Variants in KIF5C observed in about 807,000 individuals in gnomAD.
The protein encoded by KIF5C is kinesin family member 5C, also known as kinesin heavy chain isoform 5C.
KIF5C carries 18 observed loss-of-function variants against 125.2 expected under a neutral mutation model. That is an observed-to-expected ratio of 0.14 (90% confidence interval 0.10 to 0.21). The LOEUF (loss-of-function observed/expected upper bound fraction) is 0.21, where lower values mean the gene tolerates loss of function less well. Ranked by LOEUF, KIF5C falls within the 10% of genes least tolerant of loss-of-function variation. KIF5C has a pLI of 1.00. For missense variants in KIF5C, 780 were observed against 1,183.8 expected (o/e 0.66, Z 5.01); for synonymous variants, 405 against 434.0 (o/e 0.93, Z 0.83).
chr2:149,010,709 G>A (rs1682166480), intron 24 of KIF5C, among the ~76,000 whole-genome samples: 1 of 152,366 alleles, frequency 6.6e-6, no homozygotes, highest in East Asian at 1.9e-4. Context: ...AGGGCCCTGT[G>A]TTCTGCACCC....
intron 15 of KIF5C, among the ~76,000 whole-genome samples, chr2:148,985,601 T>G (rs1270088254): frequency 6.6e-6 from 1 of 152,226 alleles, no homozygotes. Flanking sequence ...TGGGGAATGG[T>G]ATTACATTGC....
intron 13 of KIF5C, among the ~76,000 whole-genome samples, chr2:148,979,689 G>A (rs552915656): frequency 2.2e-4 from 34 of 152,266 alleles, no homozygotes; most frequent in African/African-American, 8.2e-4. Flanking sequence ...ATGTTCTCCT[G>A]CTGTCCTGTA....
At chr2:148,886,385 G>C (rs1480701258) in intron 1 of KIF5C, 3 of 152,308 alleles carry the variant, frequency 2.0e-5, no homozygotes, top group African/African-American at 7.2e-5. Flanking sequence ...GGCCCAACTG[G>C]GCTGGTCTTA....
intron 1 of KIF5C, among the ~76,000 whole-genome samples, chr2:148,908,847 C>T (rs970939321): frequency 1.3e-5 from 2 of 152,062 alleles, no homozygotes; most frequent in Non-Finnish European, 2.9e-5. Context: ...AAAGCTGATT[C>T]TTTTTTAAAA....
intron 11 of KIF5C, among the ~76,000 whole-genome samples, chr2:148,968,143 G>T (rs1680796417): frequency 6.6e-6 from 1 of 152,204 alleles, no homozygotes; most frequent in African/African-American, 2.4e-5. Flanking sequence ...TGACAAACTG[G>T]TGTATCTGCA....
Position 148,991,132 on chromosome 2 carries a change from G to A in KIF5C, c.1839G>A (p.Met613Ile), listed in dbSNP as rs772439288. The A allele has an allele frequency of 6.2e-7, 1 of 1,613,968 alleles. No individual in the cohort carries two copies. Among genetic ancestry groups the A allele is most frequent in the Admixed American group, 1.7e-5 (1 of 60,028 alleles). Residue 613 changes from methionine to isoleucine, a missense_variant, in exon 16 of 26, where the codon ATG becomes ATA. Met to Ile is a conservative substitution (Grantham distance 10). Coordinates refer to ENST00000435030, the MANE Select transcript of KIF5C (RefSeq NM_004522.3). ...NRSKQLESAQ[M>I]DSNRKMNASE... ...GCAAACAGCTCGAGAGCGCCCAGATGGACTCCAACAGGAAGATGAATGCCA... is the reference window on the plus strand; with the variant it reads ...GCAAACAGCTCGAGAGCGCCCAGATAGACTCCAACAGGAAGATGAATGCCA...
chr2:148,969,554 G>T lies in KIF5C; in HGVS notation c.1118-3782G>T, dbSNP rs542482537. Reference sequence around the variant, plus strand: ...ATAAGCCTCCGGGGCTAAACTAAGAGAAATCTGCTTTTAATGCAAAGAGGG... The same window carrying T: ...ATAAGCCTCCGGGGCTAAACTAAGATAAATCTGCTTTTAATGCAAAGAGGG... On this transcript the variant is annotated intron_variant, in intron 11 of 25. Transcript: ENST00000435030. Among the ~76,000 whole-genome samples the T allele has an allele frequency of 2.8e-3, 427 of 152,064 alleles. 4 individuals carry two copies. The highest frequency in any genetic ancestry group is 4.9e-3 in the Non-Finnish European group (333 of 67,986).
At chr2:148,983,910 G>A in intron 15 of KIF5C, 144 bp downstream of exon 15, 1 of 1,199,990 alleles carries the variant, frequency 8.3e-7, no homozygotes, top group Non-Finnish European at 1.1e-6. Context: ...TGAAAAAAGG[G>A]CTAATTGAAT....
intron 16 of KIF5C, among the ~76,000 whole-genome samples, chr2:148,991,837 A>G (rs969247147): frequency 3.9e-5 from 6 of 152,214 alleles, no homozygotes; most frequent in African/African-American, 1.4e-4. Context: ...GCCCGAGGGT[A>G]CATTTCACTT....
chr2:148,900,169 C>T (rs1558878975), intron 1 of KIF5C, among the ~76,000 whole-genome samples: 1 of 152,122 alleles, frequency 6.6e-6, no homozygotes, highest in Non-Finnish European at 1.5e-5. Context: ...TTTCAGTATT[C>T]CCCAAAGATG....
intron 23 of KIF5C, among the ~76,000 whole-genome samples, chr2:149,009,615 TCTC>T (rs1682121993): frequency 6.6e-6 from 1 of 152,180 alleles, no homozygotes; most frequent in East Asian, 1.9e-4. Context: ...AAAGGCGCAG[TCTC>T]CTCCTCTTAC....
intron 13 of KIF5C, 147 bp downstream of exon 13, chr2:148,979,137 C>A: frequency 9.3e-7 from 1 of 1,074,370 alleles, no homozygotes; most frequent in South Asian, 2.8e-5. Flanking sequence ...CCTTCACTGC[C>A]TCTTACAAGC....
intron 22 of KIF5C, 24 bp from the exon 23 acceptor site, chr2:149,007,938 TG>T: frequency 6.4e-7 from 1 of 1,561,650 alleles, no homozygotes; most frequent in Non-Finnish European, 8.7e-7. Flanking sequence ...CAGCCTGTCC[TG>T]CTGACCCCTT....
chr2:148,989,425 T>C (rs1038822627), intron 15 of KIF5C, among the ~76,000 whole-genome samples: 2 of 152,110 alleles, frequency 1.3e-5, no homozygotes, highest in Non-Finnish European at 2.9e-5. Context: ...TTCCATATTT[T>C]TGCAATTGCA....
chr2:148,958,421 T>C (rs62182690), intron 10 of KIF5C, among the ~76,000 whole-genome samples: 9,200 of 152,254 alleles, frequency 0.06, 344 homozygotes, highest in Middle Eastern at 0.092. Flanking sequence ...TAATTTGCAT[T>C]CCCTGAAGGC....
At chr2:149,015,486 G>A (rs547590234) in intron 25 of KIF5C, among the ~76,000 whole-genome samples, 1 of 152,184 alleles carries the variant, frequency 6.6e-6, no homozygotes, top group African/African-American at 2.4e-5. Context: ...CTCCTGTGGA[G>A]TCAAAGCACA....
chr2:148,969,516 A>G (rs182194888), intron 11 of KIF5C, among the ~76,000 whole-genome samples: 18 of 151,230 alleles, frequency 1.2e-4, no homozygotes, highest in African/African-American at 3.9e-4. Flanking sequence ...CTCTTTTCCT[A>G]TAGACAGCAG....
At chr2:148,925,404 GA>G (rs1018811047) in intron 2 of KIF5C, among the ~76,000 whole-genome samples, 43 of 152,138 alleles carry the variant, frequency 2.8e-4, no homozygotes, top group African/African-American at 1.0e-3. Flanking sequence ...ATATGACTCT[GA>G]AGAAAAAAAA....
intron 25 of KIF5C, among the ~76,000 whole-genome samples, chr2:149,017,443 C>T (rs1682397153): frequency 6.6e-6 from 1 of 152,150 alleles, no homozygotes; most frequent in South Asian, 2.1e-4. Flanking sequence ...GCTGAGTCTT[C>T]TTTGCAGCCC....
Sources: gnomAD v4.1 joint callset for allele counts (sites outside exome capture counted in the v4.1 genomes callset) on GRCh38, gnomAD v4.1.1 for gene constraint, MANE v1.5 for transcripts, NCBI Gene and HGNC (gene_info 2026-07-23, HGNC 2026-07-21) for gene names.